The following ESR1 variants were observed in gnomAD, a reference collection of about 807,000 sequenced individuals.
The protein encoded by ESR1 is estrogen receptor.
In ESR1, 12 loss-of-function variants were observed where a neutral mutation model predicts 52.7. The observed-to-expected ratio is 0.23, with a 90% CI of 0.15 to 0.37. The LOEUF is 0.37. Among genes scored for constraint, ESR1 ranks in the 10% least tolerant of loss-of-function variants. The probability of loss-of-function intolerance (pLI) is 1.00; values close to 1 mark genes in which losing one functional copy is unlikely to be tolerated. For missense variants in ESR1, 584 were observed against 779.7 expected (o/e 0.75, Z 2.99); for synonymous variants, 305 against 316.8 (o/e 0.96, Z 0.39).
intron 5 of ESR1, among the ~76,000 whole-genome samples, chr6:152,023,302 A>G (rs1191661524): frequency 6.6e-6 from 1 of 152,202 alleles, no homozygotes; most frequent in Non-Finnish European, 1.5e-5. Context: ...TTTTTAAACT[A>G]AAATATTATG....
At chr6:152,011,004 A>C (rs1003777516) in intron 4 of ESR1, among the ~76,000 whole-genome samples, 4 of 151,856 alleles carry the variant, frequency 2.6e-5, no homozygotes, top group African/African-American at 9.7e-5. Context: ...ATTATCAGTA[A>C]TGATTGGAGA....
chr6:152,091,839 C>T (rs1396343770), intron 6 of ESR1, among the ~76,000 whole-genome samples: 1 of 152,108 alleles, frequency 6.6e-6, no homozygotes, highest in African/African-American at 2.4e-5. Context: ...TTTCCTTGAA[C>T]AAGAAAGGGA....
chr6:151,809,926 A>G (rs1020633433), intron 1 of ESR1, among the ~76,000 whole-genome samples: 2 of 151,914 alleles, frequency 1.3e-5, no homozygotes, highest in Non-Finnish European at 2.9e-5. Flanking sequence ...TCCACACAAC[A>G]TTTAAAACTG....
chr6:151,915,018 A>G (rs1267902182), intron 3 of ESR1, among the ~76,000 whole-genome samples: 2 of 152,170 alleles, frequency 1.3e-5, no homozygotes, highest in East Asian at 3.9e-4. Flanking sequence ...CATCTGATTA[A>G]ATGTCAACTA....
At chr6:152,091,728 G>T (rs1032896189) in intron 6 of ESR1, among the ~76,000 whole-genome samples, 3 of 152,040 alleles carry the variant, frequency 2.0e-5, no homozygotes, top group African/African-American at 7.2e-5. Flanking sequence ...GTCCCAGCAC[G>T]GTGTGCCTTC....
intron 1 of ESR1, among the ~76,000 whole-genome samples, chr6:151,665,612 C>T (rs1026445260): frequency 6.6e-6 from 1 of 152,076 alleles, no homozygotes; most frequent in Non-Finnish European, 1.5e-5. Flanking sequence ...TGTTTCTTTT[C>T]TTTTCTTTTT....
In ESR1 at chr6:151,710,045, C is replaced by T. The variant is rs143230602; in HGVS notation, c.-71+8040C>T. ...ACTGCATCTCTTTTTATATAAAGAA[C>T]GAATTGTTTAAACATCACATGTTAA... On this transcript the variant is annotated intron_variant, in intron 2 of 2. Transcript: ENST00000404742. 2.6e-3 allele frequency among the ~76,000 whole-genome samples: 387 copies of T among 151,580 alleles called. 2 individuals are homozygous for T. Among genetic ancestry groups the T allele is most frequent in the African/African-American group, 8.9e-3 (367 of 41,400 alleles).
chr6:151,950,288 C>T (rs976422386), intron 4 of ESR1, among the ~76,000 whole-genome samples: 20 of 152,134 alleles, frequency 1.3e-4, no homozygotes, highest in Non-Finnish European at 2.4e-4. Flanking sequence ...TTATGTTGAA[C>T]GTAGTGGACT....
At chr6:151,682,132 A>G (rs1778483939) in intron 1 of ESR1, among the ~76,000 whole-genome samples, 1 of 152,146 alleles carries the variant, frequency 6.6e-6, no homozygotes, top group Non-Finnish European at 1.5e-5. Context: ...TGATTTTCAC[A>G]TGGAGTGTTT....
At chr6:151,913,562 A>G (rs35232263) in intron 3 of ESR1, among the ~76,000 whole-genome samples, 8,835 of 152,286 alleles carry the variant, frequency 0.058, 426 homozygotes, top group East Asian at 0.17. Context: ...TAAGCCAGTT[A>G]TTGTATTTCA....
intron 6 of ESR1, among the ~76,000 whole-genome samples, chr6:152,082,802 A>T (rs1453701256): frequency 6.6e-6 from 1 of 152,214 alleles, no homozygotes; most frequent in African/African-American, 2.4e-5. Context: ...AATCACAGGC[A>T]TTCCTGTACA....
intron 5 of ESR1, among the ~76,000 whole-genome samples, chr6:152,037,616 G>A (rs1177191668): frequency 6.6e-6 from 1 of 152,146 alleles, no homozygotes; most frequent in Non-Finnish European, 1.5e-5. Flanking sequence ...GTGTTAAGTG[G>A]TGATAATTTG....
At chr6:151,738,313 TA>T (rs772922495) in intron 2 of ESR1, among the ~76,000 whole-genome samples, 1 of 152,234 alleles carries the variant, frequency 6.6e-6, no homozygotes, top group Non-Finnish European at 1.5e-5. Flanking sequence ...TGAATAGTGC[TA>T]GTATGAACAT....
intron 1 of ESR1, among the ~76,000 whole-genome samples, chr6:151,818,309 G>A (rs545207401): frequency 6.6e-6 from 1 of 152,162 alleles, no homozygotes; most frequent in South Asian, 2.1e-4. Flanking sequence ...AGTGAACATG[G>A]GTCTCCTCTA....
intron 4 of ESR1, among the ~76,000 whole-genome samples, chr6:151,985,113 TTA>T (rs2040335862): frequency 6.6e-6 from 1 of 152,038 alleles, no homozygotes; most frequent in African/African-American, 2.4e-5. Context: ...CAGCATAACG[TTA>T]TGTGCTCCTT....
Position 151,944,213 on chromosome 6 carries a change from C to A in ESR1, c.801C>A (p.His267Gln), listed in dbSNP as rs1584384566. The A allele has an allele frequency of 6.2e-6, 10 of 1,614,056 alleles. No individual in the cohort carries two copies. Among genetic ancestry groups the A allele is most frequent in the Non-Finnish European group, 8.5e-6 (10 of 1,180,006 alleles). ...GAAGAGGAGGGAGAATGTTGAAACA[C>A]AAGCGCCAGAGAGATGATGGGGAGG... Reference protein sequence around the residue: ...KDRRGGRMLKHKRQRDDGEGR... With the variant: ...KDRRGGRMLKQKRQRDDGEGR... Residue 267 changes from histidine (H) to glutamine (Q), a missense_variant, in exon 4 of 8, where the codon CAC becomes CAA. Coordinates refer to ENST00000206249, the MANE Select transcript of ESR1 (RefSeq NM_000125.4).
At chr6:151,956,465 C>T (rs770468850) in intron 4 of ESR1, among the ~76,000 whole-genome samples, 1 of 152,174 alleles carries the variant, frequency 6.6e-6, no homozygotes, top group Non-Finnish European at 1.5e-5. Context: ...TTATCTGTTG[C>T]AGATAGTAGC....
chr6:151,799,829 G>T (rs1277730184), upstream of ESR1, among the ~76,000 whole-genome samples: 1 of 152,198 alleles, frequency 6.6e-6, no homozygotes, highest in Non-Finnish European at 1.5e-5. Context: ...ATGGGAGGAA[G>T]ATTTCAGGTA....
intron 2 of ESR1, among the ~76,000 whole-genome samples, chr6:151,862,386 G>A (rs925853421): frequency 2.6e-5 from 4 of 152,136 alleles, no homozygotes; most frequent in African/African-American, 9.7e-5. Flanking sequence ...CAACAGATGG[G>A]GGCCACAGAG....
Sources: gnomAD v4.1 joint callset for allele counts (sites outside exome capture counted in the v4.1 genomes callset) on GRCh38, gnomAD v4.1.1 for gene constraint, MANE v1.5 for transcripts, NCBI Gene and HGNC (gene_info 2026-07-23, HGNC 2026-07-21) for gene names.